The following FBXL17 variants were observed in gnomAD, a reference collection of about 807,000 sequenced individuals.
FBXL17 encodes the protein F-box/LRR-repeat protein 17.
FBXL17 carries 22 observed loss-of-function variants against 66.2 expected under a neutral mutation model. That is an observed-to-expected ratio of 0.33 (90% CI 0.24 to 0.47). FBXL17 has a LOEUF of 0.47. Among genes scored for constraint, FBXL17 ranks in the 20% least tolerant of loss-of-function variants. The probability of loss-of-function intolerance (pLI) is 1.00; values close to 1 mark genes in which losing one functional copy is unlikely to be tolerated. For missense variants in FBXL17, 878 were observed against 948.2 expected (o/e 0.93, Z 0.97); for synonymous variants, 474 against 400.5 (o/e 1.18, Z -2.19).
Position 108,039,736 on chromosome 5 carries a change from C to T in FBXL17, c.1746-18735G>A, listed in dbSNP as rs149712148. Among the ~76,000 whole-genome samples, 31 of 152,120 alleles carry T rather than the reference C, an allele frequency of 2.0e-4. 2 individuals carry two copies. The highest frequency in any genetic ancestry group is 1.5e-3 in the East Asian group (8 of 5,178). ...GGGACAACAGCAAATTCACAGAAGG[C>T]TACCCAAATCCTGACCATTAAAGTA... On this transcript the variant is annotated intron_variant, in intron 6 of 8. Coordinates refer to ENST00000542267, the MANE Select transcript of FBXL17 (RefSeq NM_001163315.3).
chr5:108,224,752 C>A (rs10075907), intron 4 of FBXL17, among the ~76,000 whole-genome samples: 3 of 151,718 alleles, frequency 2.0e-5, no homozygotes, highest in East Asian at 3.9e-4. Context: ...TCACCACACC[C>A]AACTAGTTTT....
At chr5:108,355,211 T>A (rs1019180983) in intron 3 of FBXL17, among the ~76,000 whole-genome samples, 1 of 151,820 alleles carries the variant, frequency 6.6e-6, no homozygotes, top group African/African-American at 2.4e-5. Context: ...CACATATATA[T>A]GCTTATATAT....
At position 108,034,948 on chromosome 5, in the gene FBXL17, T is replaced by C. The variant is rs187853536; in HGVS notation, c.1746-13947A>G. On this transcript the variant is annotated intron_variant, in intron 6 of 8. Coordinates refer to ENST00000542267, the MANE Select transcript of FBXL17 (RefSeq NM_001163315.3). ...TATCTTCTCTCATTGTTCTTTATAA[T>C]GTTTGGCATTTTGAAGCAATGAAAG... 3.0e-3 allele frequency among the ~76,000 whole-genome samples: 457 copies of C among 152,292 alleles called. 2 individuals are homozygous for C. The highest frequency in any genetic ancestry group is 0.01 in the African/African-American group (427 of 41,572).
At chr5:108,016,312 G>T (rs1337921702) in intron 7 of FBXL17, among the ~76,000 whole-genome samples, 1 of 152,170 alleles carries the variant, frequency 6.6e-6, no homozygotes, top group Non-Finnish European at 1.5e-5. Context: ...AAACCACACA[G>T]AAGGATGTGG....
chr5:108,213,148 C>G (rs985576246), intron 5 of FBXL17, among the ~76,000 whole-genome samples: 3 of 152,120 alleles, frequency 2.0e-5, no homozygotes, highest in African/African-American at 2.4e-5. Flanking sequence ...TGACCCTCCC[C>G]CTACCGAGCT....
chr5:108,120,803 T>C (rs1276769704), intron 6 of FBXL17, among the ~76,000 whole-genome samples: 2 of 152,096 alleles, frequency 1.3e-5, no homozygotes, highest in African/African-American at 2.4e-5. Flanking sequence ...CAAGACTCTG[T>C]CTCTAAATAA....
intron 7 of FBXL17, among the ~76,000 whole-genome samples, chr5:107,902,542 T>C (rs1007552394): frequency 2.6e-5 from 4 of 152,114 alleles, no homozygotes; most frequent in African/African-American, 7.2e-5. Context: ...GCGGTCAAAA[T>C]TGTTAACACT....
In FBXL17 at chr5:108,275,320, G is replaced by T. The variant is rs1757440577; in HGVS notation, c.1507-51092C>A. 2.0e-5 allele frequency among the ~76,000 whole-genome samples: 3 copies of T among 152,140 alleles called. No homozygotes were observed. The South Asian group carries it at 6.2e-4, about 32-fold the overall frequency. On this transcript the variant is annotated intron_variant, in intron 4 of 8. Transcript: ENST00000542267. The stretch of plus-strand genomic sequence containing the variant: ...ATTTTTTGTTTTGTTTATTGTTTTG[G>T]AGGGGTTTTTAACAAAATATTTAAA...
At chr5:107,885,327 AG>A (rs1325004498) in intron 7 of FBXL17, among the ~76,000 whole-genome samples, 1 of 152,226 alleles carries the variant, frequency 6.6e-6, no homozygotes, top group Non-Finnish European at 1.5e-5. Flanking sequence ...TCATTCCCAT[AG>A]ACATACAAAT....
At chr5:108,195,051 C>A (rs1434322625) in intron 5 of FBXL17, among the ~76,000 whole-genome samples, 2 of 152,054 alleles carry the variant, frequency 1.3e-5, no homozygotes, top group Non-Finnish European at 2.9e-5. Context: ...ATTGATTAAG[C>A]AGCTATTGTG....
intron 7 of FBXL17, among the ~76,000 whole-genome samples, chr5:107,967,846 C>T (rs1350975968): frequency 6.6e-6 from 1 of 151,934 alleles, no homozygotes; most frequent in East Asian, 1.9e-4. Flanking sequence ...TACTAACTTC[C>T]TATATTCCAT....
In FBXL17 at chr5:108,280,259, T is replaced by C. The variant is rs182823182; in HGVS notation, c.1507-56031A>G. On this transcript the variant is annotated intron_variant, in intron 4 of 8. Coordinates refer to ENST00000542267, the MANE Select transcript of FBXL17 (RefSeq NM_001163315.3). Reference sequence around the variant, plus strand: ...CTATTCACCTATAAAGGAAATTACATCAGATTAACAGCTGACTTCTCAGCA... The same window carrying C: ...CTATTCACCTATAAAGGAAATTACACCAGATTAACAGCTGACTTCTCAGCA... Among the ~76,000 whole-genome samples, 9 of 152,206 alleles carry C rather than the reference T, an allele frequency of 5.9e-5. No individual in the cohort carries two copies. In the South Asian group the frequency reaches 1.9e-3, roughly 32 times the overall value.
At chr5:108,337,896 A>G (rs1199661072) in intron 4 of FBXL17, among the ~76,000 whole-genome samples, 1 of 152,084 alleles carries the variant, frequency 6.6e-6, no homozygotes, top group Non-Finnish European at 1.5e-5. Context: ...AATATATACA[A>G]TGTATCTTTA....
At chr5:107,935,651 TC>T (rs1484710609) in intron 7 of FBXL17, among the ~76,000 whole-genome samples, 1 of 152,138 alleles carries the variant, frequency 6.6e-6, no homozygotes, top group Non-Finnish European at 1.5e-5. Flanking sequence ...CATTATTTTT[TC>T]TTGGACCATT....
chr5:108,177,932 T>C lies in FBXL17; in HGVS notation c.1745+8185A>G, dbSNP rs115488913. 2.3e-3 allele frequency among the ~76,000 whole-genome samples: 291 copies of C among 126,888 alleles called. 8 individuals carry two copies. Among genetic ancestry groups the C allele is most frequent in the South Asian group, 7.3e-3 (30 of 4,132 alleles). The allele number at this position is 126,888 out of a possible 152,430, so 83.2% of individuals were successfully genotyped here. ...AAATGTATATATATATATATATATA[T>C]ACACACACACACTATTACCTCACTA... On this transcript the variant is annotated intron_variant, in intron 6 of 8. Coordinates refer to ENST00000542267, the MANE Select transcript of FBXL17 (RefSeq NM_001163315.3).
rs1195182182 is a variant in FBXL17 at position 108,381,360 on chromosome 5, T to C, written c.332A>G (p.Asp111Gly). Residue 111 changes from aspartate to glycine, a missense_variant, in exon 1 of 9, where the codon GAC (aspartate) becomes GGC (glycine). Coordinates refer to ENST00000542267, the MANE Select transcript of FBXL17 (RefSeq NM_001163315.3). ...ARRYAALAAE[D>G]CAAAARRFLL... is the part of the protein sequence containing the mutation. ...GAAGCGGCGGGCAGCAGCGGCGCAG[T>C]CCTCGGCGGCCAGGGCCGCGTAGCG... The C allele has an allele frequency of 7.4e-7, 1 of 1,344,396 alleles. No individual in the cohort carries two copies. The highest frequency in any genetic ancestry group is 9.5e-7 in the Non-Finnish European group (1 of 1,057,194). The allele number at this position is 1,344,396 out of a possible 1,614,324, so 83.3% of individuals were successfully genotyped here.
At position 108,076,331 on chromosome 5, in the gene FBXL17, T is replaced by C. The variant is rs965379789; in HGVS notation, c.1746-55330A>G. 3.3e-5 allele frequency among the ~76,000 whole-genome samples: 5 copies of C among 152,332 alleles called. No homozygotes were observed. In the South Asian group the frequency reaches 8.3e-4, roughly 25 times the overall value. ...TAGGAGGAATCAGATTGTCCAGGCA[T>C]TGCCTTCATAGCTCTGTCCTTTATC... On this transcript the variant is annotated intron_variant, in intron 6 of 8. Transcript: ENST00000542267.
At chr5:107,922,315 T>A (rs967416768) in intron 7 of FBXL17, among the ~76,000 whole-genome samples, 2 of 152,172 alleles carry the variant, frequency 1.3e-5, no homozygotes, top group African/African-American at 4.8e-5. Context: ...TTATCTTTTT[T>A]ATTTTTTCCT....
At chr5:108,316,864 T>TTG (rs1759388366) in intron 4 of FBXL17, among the ~76,000 whole-genome samples, 2 of 151,272 alleles carry the variant, frequency 1.3e-5, no homozygotes, top group Admixed American at 6.6e-5. Context: ...CTGGAAACTT[T>TTG]GTAAGTTATT....
Sources: gnomAD v4.1 joint callset for allele counts (sites outside exome capture counted in the v4.1 genomes callset) on GRCh38, gnomAD v4.1.1 for gene constraint, MANE v1.5 for transcripts, NCBI Gene and HGNC (gene_info 2026-07-23, HGNC 2026-07-21) for gene names.